Variants in RANBP17 observed in about 807,000 individuals in gnomAD.
RANBP17 encodes the protein ran-binding protein 17.
RANBP17 carries 158 observed loss-of-function variants against 141.2 expected under a neutral mutation model. That is an observed-to-expected ratio of 1.12 (90% CI 0.98 to 1.28). The LOEUF (loss-of-function observed/expected upper bound fraction) is 1.28, where lower values mean the gene tolerates loss of function less well. Among genes scored for constraint, RANBP17 ranks in the 50% most tolerant of loss-of-function variants. The pLI is 0.00. For missense variants in RANBP17, 1,438 were observed against 1,290.7 expected (o/e 1.11, Z -1.75); for synonymous variants, 430 against 450.0 (o/e 0.96, Z 0.56).
intron 5 of RANBP17, among the ~76,000 whole-genome samples, chr5:170,907,314 TC>T (rs954622848): frequency 2.2e-5 from 2 of 91,716 alleles, no homozygotes; most frequent in Non-Finnish European, 5.6e-5. Flanking sequence ...ATCCTTCGTC[TC>T]AAAATATTGG....
intron 3 of RANBP17, among the ~76,000 whole-genome samples, chr5:170,889,324 T>G (rs920986825): frequency 7.2e-5 from 11 of 152,160 alleles, no homozygotes; most frequent in Middle Eastern, 3.4e-3. Flanking sequence ...AGAAATTGAG[T>G]GTTTCCCCTT....
chr5:171,291,800 G>A (rs534565988), intron 25 of RANBP17, among the ~76,000 whole-genome samples: 74 of 151,634 alleles, frequency 4.9e-4, no homozygotes, highest in South Asian at 2.9e-3. Context: ...ACTAATTTTC[G>A]TATTTCCAAA....
At position 171,241,993 on chromosome 5, in the gene RANBP17, C is replaced by CT. The variant is rs558135873; in HGVS notation, c.2638-676dup. On this transcript the variant is annotated intron_variant, in intron 23 of 27. Coordinates refer to ENST00000523189, the MANE Select transcript of RANBP17 (RefSeq NM_022897.5). ...ATGCTCCTCTGGTTTCTCTTTTTTT[C>CT]TTTTTTTTTTTTTAGAGGCAGGGTC... 8.8e-3 allele frequency among the ~76,000 whole-genome samples: 1,255 copies of CT among 142,756 alleles called. 14 individuals carry two copies. Among genetic ancestry groups the CT allele is most frequent in the South Asian group, 0.042 (188 of 4,468 alleles). 93.7% of individuals were successfully genotyped at this position (142,756 alleles called of 152,430 possible).
chr5:170,930,000 A>G (rs575241851), intron 12 of RANBP17, among the ~76,000 whole-genome samples: 4 of 152,252 alleles, frequency 2.6e-5, no homozygotes, highest in African/African-American at 7.2e-5. Flanking sequence ...ATTGTTATTA[A>G]TATCTCCAGA....
At chr5:170,952,941 GA>G (rs1222227941) in intron 12 of RANBP17, among the ~76,000 whole-genome samples, 3 of 152,018 alleles carry the variant, frequency 2.0e-5, no homozygotes, top group Non-Finnish European at 2.9e-5. Flanking sequence ...TAAGATTTAT[GA>G]AAACTGTAGA....
At chr5:171,153,307 A>G (rs968081525) in intron 14 of RANBP17, among the ~76,000 whole-genome samples, 16 of 152,212 alleles carry the variant, frequency 1.1e-4, no homozygotes, top group Admixed American at 6.5e-5. Flanking sequence ...AGAATTGTAC[A>G]TTAGAAAAAG....
intron 18 of RANBP17, among the ~76,000 whole-genome samples, chr5:171,185,745 C>G (rs1761192722): frequency 6.6e-6 from 1 of 152,192 alleles, no homozygotes; most frequent in Non-Finnish European, 1.5e-5. Context: ...TCAGAGTCGT[C>G]CATGAGAGTT....
At chr5:171,046,714 A>G (rs764360180) in intron 14 of RANBP17, among the ~76,000 whole-genome samples, 3 of 152,174 alleles carry the variant, frequency 2.0e-5, no homozygotes, top group Non-Finnish European at 4.4e-5. Flanking sequence ...ACACAAAATT[A>G]TATGGTTGGA....
chr5:171,223,786 G>A (rs1763716917), intron 22 of RANBP17, among the ~76,000 whole-genome samples: 2 of 152,224 alleles, frequency 1.3e-5, no homozygotes, highest in African/African-American at 4.8e-5. Context: ...TATAAGATGT[G>A]TGTCTGGACC....
At chr5:170,866,923 T>C (rs1237231187) in intron 1 of RANBP17, 1 of 152,026 alleles carries the variant, frequency 6.6e-6, no homozygotes, top group Non-Finnish European at 1.5e-5. Context: ...CTGGGCTGTA[T>C]TGTAGTGTGC....
At chr5:171,268,967 T>G (rs995389448) in intron 25 of RANBP17, among the ~76,000 whole-genome samples, 1 of 152,222 alleles carries the variant, frequency 6.6e-6, no homozygotes, top group African/African-American at 2.4e-5. Context: ...TTTCTGTGTG[T>G]TAATAATACT....
chr5:171,155,108 T>G (rs1187383836), intron 14 of RANBP17, among the ~76,000 whole-genome samples: 1 of 133,846 alleles, frequency 7.5e-6, no homozygotes, highest in Non-Finnish European at 1.6e-5. Context: ...TATATATATA[T>G]ATATATATAT....
intron 14 of RANBP17, among the ~76,000 whole-genome samples, chr5:171,124,583 A>G (rs1294634597): frequency 1.3e-5 from 2 of 152,184 alleles, no homozygotes; most frequent in Non-Finnish European, 2.9e-5. Context: ...CAAACTGTCA[A>G]AAGTCAAAAA....
intron 25 of RANBP17, among the ~76,000 whole-genome samples, chr5:171,287,648 G>GTC (rs1356461135): frequency 6.6e-6 from 1 of 151,818 alleles, no homozygotes; most frequent in Non-Finnish European, 1.5e-5. Flanking sequence ...TTTGTCATTG[G>GTC]TCTCTCACCT....
chr5:171,172,455 G>A (rs763298997), intron 16 of RANBP17, among the ~76,000 whole-genome samples: 1 of 150,770 alleles, frequency 6.6e-6, no homozygotes. Flanking sequence ...CTTTTTACTG[G>A]AAAGTGATGT....
chr5:171,292,705 TATC>T (rs1448587173), intron 25 of RANBP17, among the ~76,000 whole-genome samples: 1 of 152,190 alleles, frequency 6.6e-6, no homozygotes, highest in African/African-American at 2.4e-5. Context: ...AAGCAGAAAC[TATC>T]ATCAGCTCCA....
At chr5:171,152,752 A>G (rs1265200149) in intron 14 of RANBP17, among the ~76,000 whole-genome samples, 1 of 152,204 alleles carries the variant, frequency 6.6e-6, no homozygotes, top group African/African-American at 2.4e-5. Flanking sequence ...AAACTTAATA[A>G]TGGCAATGCT....
At position 171,299,713 on chromosome 5, in the gene RANBP17, A is replaced by C. The variant is rs1245256664; in HGVS notation, c.*855A>C. The C allele has an allele frequency of 2.2e-5, 5 of 226,642 alleles. No homozygotes were observed. Among genetic ancestry groups the C allele is most frequent in the Non-Finnish European group, 4.4e-5 (5 of 113,964 alleles). 14.0% of individuals were successfully genotyped at this position (226,642 alleles called of 1,614,324 possible). ...AAAACAGTTCTAGGTGCTAAAATTC[A>C]GATTTTCAGAGGATGAGAAATAGCT... On this transcript the variant is annotated 3_prime_UTR_variant, in exon 28 of 28. Coordinates refer to ENST00000523189, the MANE Select transcript of RANBP17 (RefSeq NM_022897.5).
chr5:170,914,359 C>T, intron 8 of RANBP17, 119 bp downstream of exon 8: 1 of 673,058 alleles, frequency 1.5e-6, no homozygotes, highest in Non-Finnish European at 2.6e-6. Flanking sequence ...ACAGTAAGTT[C>T]TTATATTTTC....
Sources: allele counts gnomAD v4.1 joint callset (sites outside exome capture counted in the v4.1 genomes callset), GRCh38; gene constraint gnomAD v4.1.1; transcripts MANE v1.5; gene names NCBI Gene and HGNC (gene_info 2026-07-23, HGNC 2026-07-21).